CD34: variants seen among roughly 807,000 people sequenced by gnomAD.
CD34 encodes hematopoietic progenitor cell antigen CD34.
CD34 carries 34 observed loss-of-function variants against 40.1 expected under a neutral mutation model. That is an observed-to-expected ratio of 0.85 (90% confidence interval 0.65 to 1.13). CD34 has a LOEUF of 1.13. Among genes scored for constraint, CD34 ranks in the 50% most tolerant of loss-of-function variants. The pLI is 0.00. For missense variants in CD34, 426 were observed against 466.9 expected (o/e 0.91, Z 0.81); for synonymous variants, 209 against 190.0 (o/e 1.10, Z -0.82).
intron 1 of CD34, among the ~76,000 whole-genome samples, chr1:207,909,705 C>T (rs968776977): frequency 3.3e-5 from 5 of 152,226 alleles, no homozygotes; most frequent in Non-Finnish European, 5.9e-5. Context: ...CTGCGCCCGG[C>T]CGACTCACTC....
chr1:207,908,097 T>A (rs1166117226), intron 1 of CD34, among the ~76,000 whole-genome samples: 1 of 152,222 alleles, frequency 6.6e-6, no homozygotes, highest in Non-Finnish European at 1.5e-5. Context: ...AGAAGTGGAA[T>A]TTGTTCCTCA....
intron 5 of CD34, 37 bp from the exon 6 acceptor site, chr1:207,889,250 A>G: frequency 6.2e-7 from 1 of 1,613,910 alleles, no homozygotes; most frequent in Non-Finnish European, 8.5e-7. Context: ...ATCTAAAGAG[A>G]AACCAGCTTA....
At position 207,887,648 on chromosome 1, in the gene CD34, A is replaced by T. The variant is rs1414881021; in HGVS notation, c.*90T>A. On this transcript the variant is annotated 3_prime_UTR_variant, in exon 8 of 8. Transcript: ENST00000310833. ...AGTGGGGAAGGGTTGGGCGTAAGAG[A>T]TGTCACCTCCAGCATGGGGGTAGCA... 6.4e-7 allele frequency: 1 copy of T among 1,557,790 alleles called. No homozygotes were observed. The highest frequency in any genetic ancestry group is 8.7e-7 in the Non-Finnish European group (1 of 1,147,840).
In CD34 at chr1:207,887,884, C is replaced by A; in HGVS notation, c.1012G>T (p.Gly338Cys). The A allele has an allele frequency of 6.2e-7, 1 of 1,614,120 alleles. No individual in the cohort carries two copies. Reference sequence around the variant, plus strand: ...GAGGTCCCAGGTCCTGAGCTATAGCCCTGGCCTCCACCGTTTTCCGTGTAA... The same window carrying A: ...GAGGTCCCAGGTCCTGAGCTATAGCACTGGCCTCCACCGTTTTCCGTGTAA... ...PYYTENGGGQGYSSGPGTSPE... is the reference protein window; with the variant it reads ...PYYTENGGGQCYSSGPGTSPE... The change falls in exon 8 of 8, where the codon GGC (glycine) becomes TGC (cysteine). Residue 338 changes from glycine to cysteine, a missense_variant. Physicochemically the swap from Gly to Cys is radical, Grantham distance 159 (BLOSUM62 -3). Transcript: ENST00000310833.
Position 207,884,949 on chromosome 1 carries a change from G to C in CD34, c.*2789C>G, listed in dbSNP as rs1205605848. 2.0e-5 allele frequency: 3 copies of C among 152,184 alleles called. No individual in the cohort carries two copies. Among genetic ancestry groups the C allele is most frequent in the Non-Finnish European group, 4.4e-5 (3 of 68,040 alleles). The allele number at this position is 152,184 out of a possible 1,614,324, so 9.4% of individuals were successfully genotyped here. On this transcript the variant is annotated 3_prime_UTR_variant, in exon 8 of 8. Coordinates refer to ENST00000310833, the MANE Select transcript of CD34 (RefSeq NM_001025109.2). ...GACATCCAACTGGAGTAACACGGAGGACTCGGCAGAAGAGTAGGATGATAT... is the reference window on the plus strand; with the variant it reads ...GACATCCAACTGGAGTAACACGGAGCACTCGGCAGAAGAGTAGGATGATAT...
At position 207,883,956 on chromosome 1, in the gene CD34, C is replaced by G. The variant is rs1388964738; in HGVS notation, c.*3782G>C. On this transcript the variant is annotated 3_prime_UTR_variant, in exon 8 of 8. Transcript: ENST00000310833. The stretch of plus-strand genomic sequence containing the variant: ...AGCATGATCCTTTTAAAACATAAAG[C>G]AGATGATATGACTTCTCTGCTCAAA... The G allele has an allele frequency of 6.6e-6, 1 of 152,194 alleles. No individual in the cohort carries two copies. Among genetic ancestry groups the G allele is most frequent in the East Asian group, 1.9e-4 (1 of 5,190 alleles). 9.4% of individuals were successfully genotyped at this position (152,194 alleles called of 1,614,324 possible).
chr1:207,887,969 G>C, intron 7 of CD34, 46 bp from the exon 8 acceptor site: 11 of 1,496,670 alleles, frequency 7.3e-6, no homozygotes, highest in Non-Finnish European at 9.9e-6. Flanking sequence ...AAGCAGGGCT[G>C]TGAGACACTG....
intron 4 of CD34, among the ~76,000 whole-genome samples, chr1:207,891,908 T>C (rs1662045840): frequency 6.6e-6 from 1 of 151,810 alleles, no homozygotes; most frequent in African/African-American, 2.4e-5. Flanking sequence ...TGAGGACACG[T>C]CTGGTTAAGG....
rs534782427 is a variant in CD34 at position 207,902,886 on chromosome 1, C to A, written c.80-2883G>T. Among the ~76,000 whole-genome samples the A allele has an allele frequency of 3.9e-5, 6 of 152,334 alleles. No individual in the cohort carries two copies. In the East Asian group the frequency reaches 1.2e-3, roughly 29 times the overall value. ...GGGGCCAGGCTCGCAGCTGCAGCAG[C>A]CCCTCCACCCACCACCAGGCCGAGC... On this transcript the variant is annotated intron_variant, in intron 1 of 7. Coordinates refer to ENST00000310833, the MANE Select transcript of CD34 (RefSeq NM_001025109.2).
chr1:207,890,455 G>C (rs1422961186), intron 4 of CD34: 1 of 155,178 alleles, frequency 6.4e-6, no homozygotes, highest in Non-Finnish European at 1.4e-5. Context: ...GGGGAAAACT[G>C]CTGGGGTGTG....
In CD34 at chr1:207,881,194, G is replaced by A. The variant is rs541332183; in HGVS notation, c.*6544C>T. The stretch of plus-strand genomic sequence containing the variant: ...CTCAAAGCATGATCCAAGGTCCTCT[G>A]GGGGTTCCCTAAAACATTTCCAAGT... On this transcript the variant is annotated 3_prime_UTR_variant, in exon 8 of 8. Coordinates refer to ENST00000310833, the MANE Select transcript of CD34 (RefSeq NM_001025109.2). 6.4e-4 allele frequency: 97 copies of A among 152,246 alleles called. No individual in the cohort carries two copies. The highest frequency in any genetic ancestry group is 2.3e-3 in the African/African-American group (95 of 41,538). 9.4% of individuals were successfully genotyped at this position (152,246 alleles called of 1,614,324 possible). A position where few individuals can be genotyped will look rare whatever the true frequency, so the allele number is the denominator to read the frequency against.
In CD34 at chr1:207,889,620, G is replaced by T. The variant is rs34679398; in HGVS notation, c.599C>A (p.Ala200Glu). Reference sequence around the variant, plus strand: ...CTCTCCCCTGTCCTTCTTAAACTCCGCCTGGGAAGACAGAGAAACATGGAG... The same window carrying T: ...CTCTCCCCTGTCCTTCTTAAACTCCTCCTGGGAAGACAGAGAAACATGGAG... ...CLEQNKTSSC[A>E]EFKKDRGEGL... The change falls in exon 5 of 8, where the codon GCG becomes GAG. Residue 200 changes from alanine (A) to glutamate (E), a missense_variant and splice_region_variant. Physicochemically the swap from Ala to Glu is moderately radical, Grantham distance 107 (BLOSUM62 -1). Coordinates refer to ENST00000310833, the MANE Select transcript of CD34 (RefSeq NM_001025109.2). 2 of 1,612,202 alleles carry T rather than the reference G, an allele frequency of 1.2e-6. No homozygotes were observed. Among genetic ancestry groups the T allele is most frequent in the South Asian group, 1.1e-5 (1 of 90,804 alleles).
rs140643180 is a variant in CD34, at chr1:207,887,330, G to A, written c.*408C>T. 7.3e-5 allele frequency: 13 copies of A among 178,812 alleles called. No homozygotes were observed. Among genetic ancestry groups the A allele is most frequent in the African/African-American group, 1.7e-4 (7 of 42,326 alleles). 11.1% of individuals were successfully genotyped at this position (178,812 alleles called of 1,614,324 possible). ...GAGAAAGAAAATACAGGGAAGAAAC[G>A]GTAAAAATCAAAGCTTCCTGGGAGA... On this transcript the variant is annotated 3_prime_UTR_variant, in exon 8 of 8. Coordinates refer to ENST00000310833, the MANE Select transcript of CD34 (RefSeq NM_001025109.2).
intron 3 of CD34, among the ~76,000 whole-genome samples, 186 bp from the exon 4 acceptor site, chr1:207,897,759 C>T (rs968580410): frequency 3.3e-5 from 5 of 152,202 alleles, no homozygotes; most frequent in Non-Finnish European, 7.3e-5. Flanking sequence ...TCGTCTATTT[C>T]ATATCTATCC....
At position 207,882,688 on chromosome 1, in the gene CD34, G is replaced by C. The variant is rs968298991; in HGVS notation, c.*5050C>G. ...CACATGCTTTGCTTGAGCCTTAAAA[G>C]AATCACTCACATTTCTGGAACAATC... On this transcript the variant is annotated 3_prime_UTR_variant, in exon 8 of 8. Coordinates refer to ENST00000310833, the MANE Select transcript of CD34 (RefSeq NM_001025109.2). 1 of 152,170 alleles carries C rather than the reference G, an allele frequency of 6.6e-6. No individual in the cohort carries two copies. Among genetic ancestry groups the C allele is most frequent in the East Asian group, 1.9e-4 (1 of 5,200 alleles). 9.4% of individuals were successfully genotyped at this position (152,170 alleles called of 1,614,324 possible). A position where few individuals can be genotyped will look rare whatever the true frequency, so the allele number is the denominator to read the frequency against.
At chr1:207,891,655 C>T (rs991857354) in intron 4 of CD34, among the ~76,000 whole-genome samples, 1 of 151,684 alleles carries the variant, frequency 6.6e-6, no homozygotes, top group South Asian at 2.1e-4. Context: ...GAGACCCTGG[C>T]TCAAAAATAA....
Position 207,911,100 on chromosome 1 carries a change from G to A in CD34, c.-20C>T. On this transcript the variant is annotated 5_prime_UTR_variant, in exon 1 of 8. Coordinates refer to ENST00000310833, the MANE Select transcript of CD34 (RefSeq NM_001025109.2). ...CAGCATCCTTCCCGCGCGGCTCCTA[G>A]AGAGACGCACCGAGTGGAAGACACT... The A allele has an allele frequency of 6.4e-7, 1 of 1,561,910 alleles. No individual in the cohort carries two copies. The highest frequency in any genetic ancestry group is 8.6e-7 in the Non-Finnish European group (1 of 1,157,368).
intron 1 of CD34, among the ~76,000 whole-genome samples, chr1:207,902,121 G>A (rs1444857936): frequency 1.3e-5 from 2 of 152,220 alleles, no homozygotes; most frequent in African/African-American, 4.8e-5. Context: ...TATTAATGGT[G>A]ACTGCAGCAA....
intron 1 of CD34, among the ~76,000 whole-genome samples, chr1:207,910,402 C>A (rs1464670411): frequency 6.6e-6 from 1 of 152,172 alleles, no homozygotes. Context: ...ATCTTAAATG[C>A]AAGGTTTTTG....
Sources: gnomAD v4.1 joint callset for allele counts (sites outside exome capture counted in the v4.1 genomes callset) on GRCh38, gnomAD v4.1.1 for gene constraint, MANE v1.5 for transcripts, NCBI Gene and HGNC (gene_info 2026-07-23, HGNC 2026-07-21) for gene names.